HYAL4: variants seen among roughly 807,000 people sequenced by gnomAD.
The protein encoded by HYAL4 is hyaluronidase 4, also known as hyaluronidase-4.
In HYAL4, 37 loss-of-function variants were observed where a neutral mutation model predicts 35.2. The ratio of observed to expected loss-of-function variants is 1.05; its 90% confidence interval spans 0.81 to 1.38. The LOEUF is 1.38. Among genes scored for constraint, HYAL4 ranks in the 40% most tolerant of loss-of-function variants. The probability of loss-of-function intolerance (pLI) is 0.00; values close to 1 mark genes in which losing one functional copy is unlikely to be tolerated. For missense variants in HYAL4, 572 were observed against 572.4 expected, an observed-to-expected ratio of 1.00 and a Z score of 0.01; for synonymous variants, 198 against 203.2, an observed-to-expected ratio of 0.97 and a Z score of 0.22.
chr7:123,860,824 T>A (rs1025018538), intron 2 of HYAL4, among the ~76,000 whole-genome samples: 1 of 152,212 alleles, frequency 6.6e-6, no homozygotes, highest in East Asian at 1.9e-4. Flanking sequence ...GTACTCTTTC[T>A]TCATTCAGGT....
At chr7:123,842,158 A>T (rs1384973178), upstream of HYAL4, among the ~76,000 whole-genome samples, 1 of 152,040 alleles carries the variant, frequency 6.6e-6, no homozygotes, top group African/African-American at 2.4e-5. Flanking sequence ...CCCTCTACAC[A>T]CTGCTTTAAA....
chr7:123,808,930 A>G, the HYAL4 span, among the ~76,000 whole-genome samples: 1,777 of 152,278 alleles, frequency 0.012, 110 homozygotes, highest in Admixed American at 0.1. Flanking sequence ...GAGCCTTCCA[A>G]ATCATCTCCC....
Position 123,876,905 on chromosome 7 carries a change from A to G in HYAL4, c.1196A>G (p.His399Arg). The stretch of plus-strand genomic sequence containing the variant: ...ATGTGGAACGCGCCCAGTTACCTTC[A>G]CTTGAACCCTGCAAGTTACCACATA... ...RKMWNAPSYL[H>R]LNPASYHIEA... The change falls in exon 5 of 5, where the codon CAC (histidine) becomes CGC (arginine). Residue 399 changes from histidine (H) to arginine (R), a missense_variant. Coordinates refer to ENST00000223026, the MANE Select transcript of HYAL4 (RefSeq NM_012269.3). The G allele has an allele frequency of 6.2e-7, 1 of 1,614,158 alleles. No homozygotes were observed. The highest frequency in any genetic ancestry group is 8.5e-7 in the Non-Finnish European group (1 of 1,180,028).
chr7:123,839,359 G>A lies in HYAL4; in HGVS notation c.-256-4886G>A, dbSNP rs139644502. On this transcript the variant is annotated intron_variant, in intron 1 of 4. Coordinates refer to the HYAL4 transcript ENST00000489978. ...GCATAGTATTCCATGGTGTATATGT[G>A]CCACATTTTCTTTATCCAGTCTATC... Among the ~76,000 whole-genome samples, 1,336 of 152,202 alleles carry A rather than the reference G, an allele frequency of 8.8e-3. 21 individuals are homozygous for A. The highest frequency in any genetic ancestry group is 0.03 in the African/African-American group (1,255 of 41,528).
At position 123,876,091 on chromosome 7, in the gene HYAL4, A is replaced by G. The variant is rs1807016063; in HGVS notation, c.1045-663A>G. On this transcript the variant is annotated intron_variant, in intron 4 of 4. Transcript: ENST00000223026. ...AGAGCTTCATCAGGAAGGTGGGTGC[A>G]CACAGGTGGCCTCTGTTTAGAACAC... The G allele has an allele frequency of 2.6e-5, 12 of 456,234 alleles. 1 individual carries two copies. The highest frequency in any genetic ancestry group is 1.7e-4 in the South Asian group (11 of 64,460). The allele number at this position is 456,234 out of a possible 1,614,324, so 28.3% of individuals were successfully genotyped here. A position where few individuals can be genotyped will look rare whatever the true frequency, so the allele number is the denominator to read the frequency against.
At chr7:123,778,424 A>C in the HYAL4 span, among the ~76,000 whole-genome samples, 3 of 152,026 alleles carry the variant, frequency 2.0e-5, no homozygotes, top group Non-Finnish European at 2.9e-5. Flanking sequence ...CACGTCTTAC[A>C]TTTAATTGCC....
chr7:123,811,590 A>C, the HYAL4 span, among the ~76,000 whole-genome samples: 1 of 152,132 alleles, frequency 6.6e-6, no homozygotes, highest in African/African-American at 2.4e-5. Flanking sequence ...CTTCTTTGTT[A>C]GATATGTCTT....
At chr7:123,800,154 C>T in the HYAL4 span, among the ~76,000 whole-genome samples, 1 of 145,942 alleles carries the variant, frequency 6.9e-6, no homozygotes, top group Non-Finnish European at 1.5e-5. Context: ...CAAAGAAAGA[C>T]TCTGTGTCAA....
the HYAL4 span, among the ~76,000 whole-genome samples, chr7:123,793,727 T>G: frequency 6.6e-6 from 1 of 152,176 alleles, no homozygotes; most frequent in Non-Finnish European, 1.5e-5. Flanking sequence ...GTGAATCAAT[T>G]AAATCTCTTT....
chr7:123,824,900 AGT>A (rs1805778238), upstream of HYAL4, among the ~76,000 whole-genome samples: 1 of 152,188 alleles, frequency 6.6e-6, no homozygotes, highest in African/African-American at 2.4e-5. Context: ...ATATTTGCAG[AGT>A]GAATAAATAA....
At position 123,874,810 on chromosome 7, in the gene HYAL4, GC is replaced by G. The variant is rs1806969628; in HGVS notation, c.1005del (p.Ile336LeufsTer7). On this transcript the variant is annotated frameshift_variant, in exon 4 of 5. Transcript: ENST00000223026. LOFTEE classifies it low-confidence loss of function (END_TRUNC). Reference protein sequence around the residue: ...IGESAALGAAGIVIWGDMNLT... With the variant: ...IGESAALGAAXIVIWGDMNLT... ...GAAAGTGCTGCCTTGGGAGCTGCAGGCATTGTTATTTGGGGAGACATGAATT... is the reference window on the plus strand; with the variant it reads ...GAAAGTGCTGCCTTGGGAGCTGCAGGATTGTTATTTGGGGAGACATGAATT... 3 of 1,610,364 alleles carry G rather than the reference GC, an allele frequency of 1.9e-6. No individual in the cohort carries two copies. The highest frequency in any genetic ancestry group is 8.5e-7 in the Non-Finnish European group (1 of 1,176,518).
intron 2 of HYAL4, among the ~76,000 whole-genome samples, chr7:123,848,851 G>T (rs1213091489): frequency 2.0e-5 from 3 of 152,104 alleles, no homozygotes; most frequent in African/African-American, 7.2e-5. Context: ...CTCAGAAAGT[G>T]GATGATTTTT....
the HYAL4 span, among the ~76,000 whole-genome samples, chr7:123,802,395 C>G: frequency 5.4e-3 from 820 of 152,246 alleles, 7 homozygotes; most frequent in African/African-American, 0.019. Flanking sequence ...CTTCTCTGTT[C>G]CTGACAATCC....
At chr7:123,827,957 CATTT>C (rs1805824686), upstream of HYAL4, among the ~76,000 whole-genome samples, 1 of 152,158 alleles carries the variant, frequency 6.6e-6, no homozygotes, top group South Asian at 2.1e-4. Context: ...TCAAGGCAGA[CATTT>C]ATCAAGATTC....
At chr7:123,872,660 A>G (rs980630046) in intron 3 of HYAL4, among the ~76,000 whole-genome samples, 2 of 152,168 alleles carry the variant, frequency 1.3e-5, no homozygotes, top group Non-Finnish European at 2.9e-5. Flanking sequence ...CTGTAATGTG[A>G]CAACACCACT....
intron 1 of HYAL4, among the ~76,000 whole-genome samples, chr7:123,835,629 A>G (rs899721430): frequency 1.3e-5 from 2 of 151,322 alleles, no homozygotes; most frequent in Admixed American, 1.3e-4. Flanking sequence ...TGTGGGTCTG[A>G]TTTGTTCTTA....
At chr7:123,858,151 T>C (rs1379241086) in intron 2 of HYAL4, among the ~76,000 whole-genome samples, 2 of 152,144 alleles carry the variant, frequency 1.3e-5, no homozygotes, top group Admixed American at 1.3e-4. Context: ...GAGCTGATAT[T>C]GTGCCACTAC....
At chr7:123,795,951 T>A in the HYAL4 span, among the ~76,000 whole-genome samples, 6 of 152,346 alleles carry the variant, frequency 3.9e-5, no homozygotes, top group African/African-American at 1.4e-4. Context: ...CCTTGAGTAC[T>A]GTTTGACAGA....
the HYAL4 span, among the ~76,000 whole-genome samples, chr7:123,785,251 A>AT: frequency 4.0e-5 from 6 of 151,212 alleles, no homozygotes; most frequent in Admixed American, 1.3e-4. This position sits in a 1 kb window ranked among gnomAD's most constrained non-coding sequence, Gnocchi z 4.5. Flanking sequence ...ACGCCTGGTT[A>AT]TTTTTTTTTA....
Sources: allele counts gnomAD v4.1 joint callset (sites outside exome capture counted in the v4.1 genomes callset), GRCh38; gene constraint gnomAD v4.1.1; non-coding constraint Gnocchi (gnomAD v3.1); transcripts MANE v1.5; gene names NCBI Gene and HGNC (gene_info 2026-07-23, HGNC 2026-07-21).